CADPS: variants seen among roughly 807,000 people sequenced by gnomAD.
CADPS encodes the protein calcium dependent secretion activator.
Under a neutral mutation model 167.3 loss-of-function variants are expected in CADPS, and 57 were observed. That is an observed-to-expected ratio of 0.34 (90% CI 0.28 to 0.42). The LOEUF (loss-of-function observed/expected upper bound fraction) is 0.42. Ranked by LOEUF, CADPS falls within the 20% of genes least tolerant of loss-of-function variation. The pLI is 1.00. For synonymous variants in CADPS, 676 were observed against 635.3 expected (o/e 1.06, Z -0.96); for missense variants, 1,414 against 1,738.1 (o/e 0.81, Z 3.32).
chr3:62,649,916 T>C (rs1177096265), intron 5 of CADPS, among the ~76,000 whole-genome samples: 2 of 152,110 alleles, frequency 1.3e-5, no homozygotes, highest in Non-Finnish European at 2.9e-5. Context: ...AGTGGGTTGT[T>C]CCTTTTAATT....
intron 28 of CADPS, among the ~76,000 whole-genome samples, chr3:62,417,786 T>C (rs990123289): frequency 6.6e-6 from 1 of 151,824 alleles, no homozygotes; most frequent in African/African-American, 2.4e-5. Context: ...TGAGCTATGA[T>C]TGCACCACTG....
intron 7 of CADPS, among the ~76,000 whole-genome samples, chr3:62,587,284 G>A (rs1038028343): frequency 2.0e-5 from 3 of 152,226 alleles, no homozygotes; most frequent in Non-Finnish European, 4.4e-5. Flanking sequence ...CCAGAGAACT[G>A]CAACATATCA....
At chr3:62,648,106 TGATGA>T (rs1262062622) in intron 5 of CADPS, among the ~76,000 whole-genome samples, 8 of 152,298 alleles carry the variant, frequency 5.3e-5, no homozygotes, top group African/African-American at 1.9e-4. Flanking sequence ...TAGTCTGCCC[TGATGA>T]GATGACAATC....
chr3:62,575,819 A>G (rs894748781), intron 8 of CADPS, among the ~76,000 whole-genome samples: 1 of 152,242 alleles, frequency 6.6e-6, no homozygotes, highest in Non-Finnish European at 1.5e-5. Flanking sequence ...CGAATGGGAA[A>G]GCTGGTGGGA....
At chr3:62,840,425 G>T (rs1252669106) in intron 1 of CADPS, among the ~76,000 whole-genome samples, 4 of 152,106 alleles carry the variant, frequency 2.6e-5, no homozygotes, top group Non-Finnish European at 1.5e-5. Context: ...GAAATACATG[G>T]TTTAACACAA....
chr3:62,807,099 AT>A (rs1484954097), intron 1 of CADPS, among the ~76,000 whole-genome samples: 1 of 152,202 alleles, frequency 6.6e-6, no homozygotes, highest in Admixed American at 6.5e-5. Context: ...GGAATAAGAC[AT>A]TTTGACCCAA....
intron 21 of CADPS, among the ~76,000 whole-genome samples, chr3:62,486,554 G>C (rs1219308230): frequency 1.3e-5 from 2 of 151,586 alleles, no homozygotes; most frequent in Non-Finnish European, 2.9e-5. Context: ...AGTGCATTTT[G>C]AGAAATGAGA....
At chr3:62,845,281 C>A (rs1271536410) in intron 1 of CADPS, among the ~76,000 whole-genome samples, 2 of 152,168 alleles carry the variant, frequency 1.3e-5, no homozygotes, top group Non-Finnish European at 2.9e-5. Flanking sequence ...TCCCAAGGCT[C>A]ACATCATCAC....
At chr3:62,493,542 G>T in intron 19 of CADPS, 103 bp downstream of exon 19, 1 of 835,012 alleles carries the variant, frequency 1.2e-6, no homozygotes, top group Non-Finnish European at 1.9e-6. Context: ...CAATGGCCAA[G>T]CTCTTCTGTG....
intron 6 of CADPS, among the ~76,000 whole-genome samples, chr3:62,630,818 C>A (rs1421675519): frequency 6.6e-6 from 1 of 152,016 alleles, no homozygotes; most frequent in African/African-American, 2.4e-5. Flanking sequence ...GTGATTTACT[C>A]CCACTTTTTA....
intron 1 of CADPS, among the ~76,000 whole-genome samples, chr3:62,819,939 A>G (rs2094820945): frequency 6.6e-6 from 1 of 152,174 alleles, no homozygotes; most frequent in African/African-American, 2.4e-5. Flanking sequence ...AACTGTAACC[A>G]TGAGTATAAC....
chr3:62,532,717 TTGTGTGTGTGTG>T (rs10586016), intron 13 of CADPS, among the ~76,000 whole-genome samples, 142 bp downstream of exon 13: 13 of 148,802 alleles, frequency 8.7e-5, no homozygotes, highest in East Asian at 4.0e-4. Context: ...TTAGTGCCCT[TTGTGTGTGTGTG>T]TGTGTGTGTG....
At chr3:62,471,119 G>A (rs1341751464) in intron 24 of CADPS, among the ~76,000 whole-genome samples, 1 of 152,142 alleles carries the variant, frequency 6.6e-6, no homozygotes, top group African/African-American at 2.4e-5. Flanking sequence ...TGTGTTGCAT[G>A]CTATGTTCTT....
chr3:62,855,916 C>T (rs1301522337), intron 1 of CADPS, among the ~76,000 whole-genome samples: 2 of 152,028 alleles, frequency 1.3e-5, no homozygotes, highest in African/African-American at 4.8e-5. Context: ...TGTAGTTTTG[C>T]CCAACTGCAA....
chr3:62,779,471 A>C (rs2091109422), intron 1 of CADPS: 1 of 536,590 alleles, frequency 1.9e-6, no homozygotes, highest in Non-Finnish European at 3.8e-6. Context: ...TAAAATGATC[A>C]AAATCTGCCA....
At chr3:62,721,215 T>C (rs997895705) in intron 3 of CADPS, among the ~76,000 whole-genome samples, 1 of 151,230 alleles carries the variant, frequency 6.6e-6, no homozygotes, top group Non-Finnish European at 1.5e-5. Flanking sequence ...AAAGTGCTTC[T>C]GCTCATCAGA....
At chr3:62,410,331 T>C (rs1263847558) in intron 28 of CADPS, among the ~76,000 whole-genome samples, 1 of 152,220 alleles carries the variant, frequency 6.6e-6, no homozygotes, top group Admixed American at 6.5e-5. Context: ...AACTGGCATG[T>C]TCAAGCCATC....
chr3:62,702,576 G>A (rs1166766024), intron 3 of CADPS, among the ~76,000 whole-genome samples: 1 of 152,212 alleles, frequency 6.6e-6, no homozygotes, highest in African/African-American at 2.4e-5. Flanking sequence ...GATAGTACCG[G>A]GTCACTGACT....
At chr3:62,633,214 T>A (rs1235772179) in intron 6 of CADPS, among the ~76,000 whole-genome samples, 2 of 152,146 alleles carry the variant, frequency 1.3e-5, no homozygotes, top group African/African-American at 2.4e-5. Flanking sequence ...TGTCCCAATG[T>A]GTCTTGAACC....
Sources: allele counts gnomAD v4.1 joint callset (sites outside exome capture counted in the v4.1 genomes callset), GRCh38; gene constraint gnomAD v4.1.1; transcripts MANE v1.5; gene names NCBI Gene and HGNC (gene_info 2026-07-23, HGNC 2026-07-21).